PIN4: variants seen among roughly 807,000 people sequenced by gnomAD.
The protein encoded by PIN4 is peptidyl-prolyl cis-trans isomerase NIMA-interacting 4.
A neutral mutation model predicts 8.3 loss-of-function variants in PIN4; 3 were observed. That is an observed-to-expected ratio of 0.36 (90% CI 0.16 to 0.93). The LOEUF is 0.93. Among genes scored for constraint, PIN4 ranks in the 40% least tolerant of loss-of-function variants. The pLI, the probability that PIN4 is intolerant of heterozygous loss-of-function variation, is 0.44. For synonymous variants in PIN4, 18 were observed against 32.5 expected, an observed-to-expected ratio of 0.55 and a Z score of 1.52; for missense variants, 75 against 100.6, an observed-to-expected ratio of 0.75 and a Z score of 1.09.
chrX:72,185,165 AAC>A (rs1556391285), intron 1 of PIN4, among the ~76,000 whole-genome samples: 2 of 104,192 alleles, frequency 1.9e-5, no homozygotes, highest in Admixed American at 1.1e-4. Flanking sequence ...AAAAAAAAAA[AAC>A]AACTTTTCAA....
intron 1 of PIN4, among the ~76,000 whole-genome samples, chrX:72,185,164 A>AAAAAAAAAAAC (rs1569488089): frequency 9.6e-6 from 1 of 104,527 alleles, no homozygotes; most frequent in Non-Finnish European, 2.0e-5. Flanking sequence ...AAAAAAAAAA[A>AAAAAAAAAAAC]AACAACTTTT....
chrX:72,197,344 T>A (rs1310108245), intron 3 of PIN4, 24 bp from the exon 4 acceptor site: 1 of 1,184,735 alleles, frequency 8.4e-7, no homozygotes, highest in East Asian at 3.0e-5. Context: ...CCACTTGATA[T>A]CACTTATCTT....
At chrX:72,229,319 G>A (rs2042970217) in intron 3 of PIN4, among the ~76,000 whole-genome samples, 1 of 111,753 alleles carries the variant, frequency 8.9e-6, no homozygotes, top group Non-Finnish European at 1.9e-5. Flanking sequence ...TTCCGCAACT[G>A]GCTCGTTTGA....
chrX:72,246,685 C>T (rs369377518), intron 3 of PIN4, among the ~76,000 whole-genome samples: 24 of 111,670 alleles, frequency 2.1e-4, no homozygotes, highest in African/African-American at 7.5e-4. Context: ...CTCCAGGCCT[C>T]CCCACATGCA....
downstream of PIN4, among the ~76,000 whole-genome samples, chrX:72,199,566 A>T (rs891344695): frequency 1.8e-5 from 2 of 111,657 alleles, no homozygotes; most frequent in African/African-American, 6.5e-5. Context: ...AAATAAAACA[A>T]TGTGTCTAAA....
intron 3 of PIN4, among the ~76,000 whole-genome samples, chrX:72,227,050 A>G (rs1298286968): frequency 8.9e-6 from 1 of 112,072 alleles, no homozygotes; most frequent in Non-Finnish European, 1.9e-5. Flanking sequence ...CCATCAAGCC[A>G]GGGGACACCT....
chrX:72,231,124 G>A (rs115818647), intron 3 of PIN4, among the ~76,000 whole-genome samples: 3 of 112,152 alleles, frequency 2.7e-5, no homozygotes, highest in East Asian at 2.8e-4. Context: ...CTGCACTCCC[G>A]TGTTCACTGC....
chrX:72,222,842 C>A (rs977140273), intron 3 of PIN4, among the ~76,000 whole-genome samples: 1 of 106,292 alleles, frequency 9.4e-6, no homozygotes, highest in Non-Finnish European at 1.9e-5. Flanking sequence ...GTGATCCACC[C>A]GCCTCGGCCT....
At chrX:72,184,745 G>A (rs1395836958) in intron 1 of PIN4, among the ~76,000 whole-genome samples, 4 of 111,547 alleles carry the variant, frequency 3.6e-5, no homozygotes, top group Non-Finnish European at 7.5e-5. Context: ...AGTATTTGGG[G>A]TTTTCAGTTT....
intron 3 of PIN4, among the ~76,000 whole-genome samples, chrX:72,222,534 A>G (rs1256780699): frequency 9.0e-6 from 1 of 110,816 alleles, no homozygotes; most frequent in Non-Finnish European, 1.9e-5. Context: ...AAAAATGCCC[A>G]TAAGGCAGTT....
At chrX:72,242,313 C>T (rs994657597) in intron 3 of PIN4, among the ~76,000 whole-genome samples, 6 of 112,048 alleles carry the variant, frequency 5.4e-5, no homozygotes, top group African/African-American at 1.9e-4. Context: ...CATTTTCACA[C>T]AGCTGTAGGG....
At chrX:72,194,563 G>A (rs189243992) in intron 2 of PIN4, among the ~76,000 whole-genome samples, 125 of 108,241 alleles carry the variant, frequency 1.2e-3, no homozygotes, top group African/African-American at 3.3e-3. Context: ...CTAGCCAGGC[G>A]TGGTGGTGCA....
intron 2 of PIN4, among the ~76,000 whole-genome samples, chrX:72,196,273 C>T (rs2042764742): frequency 9.0e-6 from 1 of 110,952 alleles, no homozygotes; most frequent in Non-Finnish European, 1.9e-5. Context: ...CGGCGGCTCA[C>T]GCCTGTAATC....
intron 2 of PIN4, among the ~76,000 whole-genome samples, chrX:72,191,810 G>A (rs1455042053): frequency 9.0e-6 from 1 of 111,419 alleles, no homozygotes; most frequent in Non-Finnish European, 1.9e-5. Context: ...TTTTCAAACC[G>A]TGTTCTGAAT....
In PIN4 at chrX:72,261,841, G is replaced by A. The variant is rs749768156; in HGVS notation, c.313-866G>A. 4.5e-5 allele frequency among the ~76,000 whole-genome samples: 5 copies of A among 111,289 alleles called. No homozygotes were observed. The South Asian group carries it at 1.1e-3, about 25-fold the overall frequency. ...ATTCTGTGATGATCTCTCCAGCCTC[G>A]CCTCTCACAACTTCCTCCCACCCCT... is the stretch of plus-strand genomic sequence containing the variant. On this transcript the variant is annotated intron_variant, in intron 3 of 3. Coordinates refer to the PIN4 transcript ENST00000423432.
At chrX:72,192,118 ATTGT>A (rs2042738789) in intron 2 of PIN4, among the ~76,000 whole-genome samples, 1 of 110,340 alleles carries the variant, frequency 9.1e-6, no homozygotes, top group East Asian at 2.8e-4. Flanking sequence ...CTCCCGGCTA[ATTGT>A]TTGTAGTTTT....
chrX:72,182,077 A>G (rs1876538989), intron 1 of PIN4, among the ~76,000 whole-genome samples: 1 of 112,207 alleles, frequency 8.9e-6, no homozygotes, highest in South Asian at 3.6e-4. Context: ...GGGTTATTAG[A>G]GCTCTAAAAT....
At chrX:72,255,273 A>AAGTAATAATAATAATAAT (rs1556407611) in intron 3 of PIN4, among the ~76,000 whole-genome samples, 96 of 96,377 alleles carry the variant, frequency 1.0e-3, no homozygotes, top group African/African-American at 3.6e-3. Context: ...CCATCTCTAA[A>AAGTAATAATAATAATAAT]AATAATAATA....
chrX:72,209,339 A>G (rs2042839275), intron 3 of PIN4, among the ~76,000 whole-genome samples: 1 of 111,871 alleles, frequency 8.9e-6, no homozygotes, highest in Admixed American at 9.5e-5. Context: ...CTCTAGACCC[A>G]TATTCCAGCT....
Sources: allele counts gnomAD v4.1 joint callset (sites outside exome capture counted in the v4.1 genomes callset), GRCh38; gene constraint gnomAD v4.1.1; transcripts MANE v1.5; gene names NCBI Gene and HGNC (gene_info 2026-07-23, HGNC 2026-07-21).